Variants in FBXO34 observed in about 807,000 individuals in gnomAD.
FBXO34 encodes the protein F-box only protein 34.
A neutral mutation model predicts 24.5 loss-of-function variants in FBXO34; 12 were observed. The ratio of observed to expected loss-of-function variants is 0.49; its 90% CI spans 0.31 to 0.79. The LOEUF is 0.79. Among genes scored for constraint, FBXO34 ranks in the 30% least tolerant of loss-of-function variants. The pLI is 0.04. For missense variants in FBXO34, 823 were observed against 857.7 expected (o/e 0.96, Z 0.51); for synonymous variants, 320 against 311.9 (o/e 1.03, Z -0.27).
chr14:55,308,531 G>A (rs1219608966), intron 1 of FBXO34, among the ~76,000 whole-genome samples: 1 of 152,116 alleles, frequency 6.6e-6, no homozygotes, highest in Middle Eastern at 3.2e-3. Context: ...ATGAAACTGA[G>A]GTGCACACAG....
At chr14:55,399,674 A>G in the FBXO34 span, among the ~76,000 whole-genome samples, 2 of 152,242 alleles carry the variant, frequency 1.3e-5, no homozygotes, top group African/African-American at 4.8e-5. Context: ...TTACTTTTAT[A>G]TCAGTGAGAC....
chr14:55,384,461 ATC>A, the FBXO34 span, among the ~76,000 whole-genome samples: 1 of 152,234 alleles, frequency 6.6e-6, no homozygotes, highest in South Asian at 2.1e-4. Context: ...TCCTGCTAAT[ATC>A]TCTTTTGGGG....
the FBXO34 span, among the ~76,000 whole-genome samples, chr14:55,390,736 T>C: frequency 1.3e-5 from 2 of 152,230 alleles, no homozygotes; most frequent in Non-Finnish European, 1.5e-5. Flanking sequence ...TATTTAACTT[T>C]TAAAAATTCC....
intron 1 of FBXO34, among the ~76,000 whole-genome samples, chr14:55,293,368 G>A (rs1882010899): frequency 6.6e-6 from 1 of 152,092 alleles, no homozygotes; most frequent in Non-Finnish European, 1.5e-5. Flanking sequence ...AGTAGAAGAT[G>A]GGGTTAACCC....
At chr14:55,416,801 CAT>C in the FBXO34 span, among the ~76,000 whole-genome samples, 1 of 152,222 alleles carries the variant, frequency 6.6e-6, no homozygotes, top group Non-Finnish European at 1.5e-5. Context: ...CAAACACACA[CAT>C]GCCCCTCTCC....
the FBXO34 span, among the ~76,000 whole-genome samples, chr14:55,408,181 G>T: frequency 2.6e-5 from 4 of 152,176 alleles, no homozygotes; most frequent in Admixed American, 6.5e-5. Context: ...GGCCAGGCAT[G>T]GTGGCTCACA....
chr14:55,305,893 G>A (rs1005462403), intron 1 of FBXO34, among the ~76,000 whole-genome samples: 1 of 152,178 alleles, frequency 6.6e-6, no homozygotes, highest in Non-Finnish European at 1.5e-5. Flanking sequence ...TCATTGTTGA[G>A]GCTGGTTTTT....
the FBXO34 span, among the ~76,000 whole-genome samples, chr14:55,386,260 A>G: frequency 1.3e-5 from 2 of 152,236 alleles, no homozygotes; most frequent in Non-Finnish European, 2.9e-5. Flanking sequence ...GTTTAGTTCA[A>G]GTAGATATTA....
downstream of FBXO34, among the ~76,000 whole-genome samples, chr14:55,357,051 G>T (rs1884533264): frequency 6.6e-6 from 1 of 152,208 alleles, no homozygotes; most frequent in Non-Finnish European, 1.5e-5. Flanking sequence ...TGTGGGAGAT[G>T]TGCAGTCTCA....
the FBXO34 span, chr14:55,411,668 C>G: frequency 6.2e-7 from 1 of 1,613,396 alleles, no homozygotes; most frequent in Non-Finnish European, 8.5e-7. Context: ...GCAGGTCAGC[C>G]GCCGGCGGGT....
intron 1 of FBXO34, among the ~76,000 whole-genome samples, chr14:55,295,581 A>G (rs534033233): frequency 6.6e-6 from 1 of 152,110 alleles, no homozygotes; most frequent in Non-Finnish European, 1.5e-5. Flanking sequence ...TTTTTAGTAG[A>G]GACGGGGTTT....
At chr14:55,361,356 T>G (rs940292377) in intron 3 of FBXO34, among the ~76,000 whole-genome samples, 3 of 152,272 alleles carry the variant, frequency 2.0e-5, no homozygotes, top group Non-Finnish European at 4.4e-5. Context: ...ATTGTGGGCT[T>G]AATCTGTAAA....
the FBXO34 span, among the ~76,000 whole-genome samples, chr14:55,410,301 T>C: frequency 6.6e-6 from 1 of 152,236 alleles, no homozygotes; most frequent in African/African-American, 2.4e-5. Flanking sequence ...CTTAAGCATA[T>C]AGATGGTATT....
chr14:55,356,760 TTC>T (rs1404089087), downstream of FBXO34, among the ~76,000 whole-genome samples: 5 of 152,060 alleles, frequency 3.3e-5, no homozygotes, highest in East Asian at 3.8e-4. Flanking sequence ...GCCTGGCTGT[TTC>T]TGTTTTTTTG....
chr14:55,394,168 AGC>A, the FBXO34 span, among the ~76,000 whole-genome samples: 2,884 of 151,920 alleles, frequency 0.019, 87 homozygotes, highest in African/African-American at 0.062. Context: ...CACCATGCCC[AGC>A]TAATTTTTCT....
At chr14:55,332,661 T>G (rs1883637681) in intron 1 of FBXO34, among the ~76,000 whole-genome samples, 1 of 152,268 alleles carries the variant, frequency 6.6e-6, no homozygotes, top group Non-Finnish European at 1.5e-5. Context: ...GAACTTGGTG[T>G]ACCTCATTAT....
At chr14:55,378,149 C>G in the FBXO34 span, 10 of 1,288,558 alleles carry the variant, frequency 7.8e-6, no homozygotes, top group East Asian at 7.3e-5. Flanking sequence ...ATTTACAGTA[C>G]AATTAGGTAT....
chr14:55,417,435 A>G, the FBXO34 span, among the ~76,000 whole-genome samples: 7 of 146,146 alleles, frequency 4.8e-5, no homozygotes, highest in African/African-American at 1.8e-4. Flanking sequence ...CCAGGCTCCA[A>G]TGAGATGACC....
intron 1 of FBXO34, among the ~76,000 whole-genome samples, chr14:55,305,016 CAGTTT>C (rs939984550): frequency 8.5e-5 from 13 of 152,308 alleles, no homozygotes; most frequent in African/African-American, 3.1e-4. Flanking sequence ...ACTTCCCTTT[CAGTTT>C]AGTTTGAGCA....
Sources: allele counts gnomAD v4.1 joint callset (sites outside exome capture counted in the v4.1 genomes callset), GRCh38; gene constraint gnomAD v4.1.1; transcripts MANE v1.5; gene names NCBI Gene and HGNC (gene_info 2026-07-23, HGNC 2026-07-21).